Variants in TTN observed in about 807,000 individuals in gnomAD.
TTN encodes connectin.
TTN carries 1,525 observed loss-of-function variants against 3,223.0 expected under a neutral mutation model. The ratio of observed to expected loss-of-function variants is 0.47; its 90% CI spans 0.45 to 0.49. The LOEUF (loss-of-function observed/expected upper bound fraction) is 0.49. Among genes scored for constraint, TTN ranks in the 20% least tolerant of loss-of-function variants. TTN has a pLI of 0.00. For missense variants in TTN, 40,786 were observed against 43,424.0 expected, an observed-to-expected ratio of 0.94 and a Z score of 5.40; for synonymous variants, 14,094 against 15,161.0, an observed-to-expected ratio of 0.93 and a Z score of 5.17.
chr2:178,560,823 C>T lies in TTN; in HGVS notation c.85309G>A (p.Gly28437Ser), dbSNP rs757770952. The change falls in exon 326 of 363, where the codon GGC becomes AGC. Residue 28437 changes from glycine (G) to serine (S), a missense_variant. Coordinates refer to ENST00000589042, the MANE Select transcript of TTN (RefSeq NM_001267550.2). ...CAATTAACGGCCACAGACCGAGTGC[C>T]GGCAACATTCTTCAGTGTTAGTACA... ...QYVLTLKNVA[G>S]TRSVAVNCKV... The T allele has an allele frequency of 7.4e-6, 12 of 1,613,488 alleles. No individual in the cohort carries two copies. The Admixed American group carries it at 8.3e-5, about 11-fold the overall frequency.
chr2:178,722,197 T>C, intron 77 of TTN, 62 bp downstream of exon 77: 1 of 1,530,352 alleles, frequency 6.5e-7, no homozygotes, highest in South Asian at 1.3e-5. Context: ...TGGTCGTTTC[T>C]ACTTTGACAA....
chr2:178,724,055 A>G lies in TTN; in HGVS notation c.21204T>C (p.Ala7068=), dbSNP rs794727885. Residue 7068 remains alanine, a synonymous_variant, in exon 73 of 363, where the codon GCT becomes GCC. Transcript: ENST00000589042. ...AGGCAACTGAAATAGGTGATGATCCAGCTACTTTGCATTCCAAGATGCAAG... is the reference window on the plus strand; with the variant it reads ...AGGCAACTGAAATAGGTGATGATCCGGCTACTTTGCATTCCAAGATGCAAG... ...GASCILECKV[A]GSSPISVAWF... 1.9e-6 allele frequency: 3 copies of G among 1,613,434 alleles called. No individual in the cohort carries two copies. The South Asian group carries it at 3.3e-5, about 18-fold the overall frequency.
Position 178,677,604 on chromosome 2 carries a change from A to G in TTN, c.34291+17T>C, listed in dbSNP as rs1235689310. 4 of 1,590,652 alleles carry G rather than the reference A, an allele frequency of 2.5e-6. No homozygotes were observed. Among genetic ancestry groups the G allele is most frequent in the African/African-American group, 2.7e-5 (2 of 73,530 alleles). On this transcript the variant is annotated intron_variant, in intron 146 of 362. Transcript: ENST00000589042. ...ACACAAAAGAGGCCTTGATGATTCC[A>G]AGAAGAGCTGCTATACCTGGTGCAG... is the stretch of plus-strand genomic sequence containing the variant.
intron 218 of TTN, among the ~76,000 whole-genome samples, chr2:178,643,339 A>G (rs2061487293): frequency 6.6e-6 from 1 of 151,982 alleles, no homozygotes; most frequent in Non-Finnish European, 1.5e-5. Flanking sequence ...ATAGGCAAAT[A>G]TGTATTTCGT....
chr2:178,757,192 A>AAGTAATACTGTACTTACTTTAAGTAC (rs1561094270), intron 45 of TTN, among the ~76,000 whole-genome samples: 49 of 148,524 alleles, frequency 3.3e-4, no homozygotes, highest in African/African-American at 1.2e-3. Flanking sequence ...TAAGTACAGT[A>AAGTAATACTGTACTTACTTTAAGTAC]AGTAATACTG....
At chr2:178,741,945 A>G in intron 47 of TTN, 24 bp from the exon 48 acceptor site, 1 of 1,377,422 alleles carries the variant, frequency 7.3e-7, no homozygotes, top group Non-Finnish European at 9.4e-7. Flanking sequence ...AATGATTATT[A>G]TTTTACTATA....
In TTN at chr2:178,774,936, T is replaced by C; in HGVS notation, c.6775A>G (p.Lys2259Glu). The change falls in exon 29 of 363, where the codon AAA becomes GAA. Residue 2259 changes from lysine to glutamate, a missense_variant. Physicochemically the swap from Lys to Glu is moderately conservative, Grantham distance 56. Transcript: ENST00000589042. Reference protein sequence around the residue: ...VEDENVKTTAKLIVEGAVVEF... With the variant: ...VEDENVKTTAELIVEGAVVEF... ...TGTTGAATACCTTCAACAATAAGTT[T>C]AGCAGTCGTTTTGACATTTTCATCT... 3 of 1,613,794 alleles carry C rather than the reference T, an allele frequency of 1.9e-6. No homozygotes were observed. The highest frequency in any genetic ancestry group is 2.2e-5 in the East Asian group (1 of 44,828).
chr2:178,554,943 G>A lies in TTN; in HGVS notation c.88516C>T (p.Leu29506Phe). The change falls in exon 331 of 363, where the codon CTT becomes TTT. Residue 29506 changes from leucine to phenylalanine, a missense_variant. Physicochemically the swap from Leu to Phe is conservative, Grantham distance 22 (BLOSUM62 0). Coordinates refer to ENST00000589042, the MANE Select transcript of TTN (RefSeq NM_001267550.2). The part of the protein sequence containing the change: ...ASILIKDADR[L>F]NSGCYELKLR... ...TTTAATTCATAGCATCCACTATTAAGGCGATCGGCATCTTTGATGAGTATA... is the reference window on the plus strand; with the variant it reads ...TTTAATTCATAGCATCCACTATTAAAGCGATCGGCATCTTTGATGAGTATA... The A allele has an allele frequency of 1.2e-6, 2 of 1,613,808 alleles. No individual in the cohort carries two copies. Among genetic ancestry groups the A allele is most frequent in the Admixed American group, 1.7e-5 (1 of 60,008 alleles).
chr2:178,740,545 C>T lies in TTN; in HGVS notation c.12688G>A (p.Ala4230Thr). 2 of 1,613,818 alleles carry T rather than the reference C, an allele frequency of 1.2e-6. No homozygotes were observed. Among genetic ancestry groups the T allele is most frequent in the Middle Eastern group, 3.3e-4 (2 of 6,058 alleles). The change falls in exon 48 of 363, where the codon GCT becomes ACT. Residue 4230 changes from alanine (A) to threonine (T), a missense_variant. By Grantham distance (58) the Ala-to-Thr change is moderately conservative (BLOSUM62 0). Transcript: ENST00000589042. ...TCTTTTGGTGAAAGTACTTCCTCAG[C>T]CACAGAGGTTAGATAAGAATGCATT... ...PPMHSYLTSV[A>T]EEVLSPKEKT...
Position 178,634,088 on chromosome 2 carries a change from A to G in TTN, c.42416-5T>C. On this transcript the variant is annotated splice_region_variant and splice_polypyrimidine_tract_variant and intron_variant, in intron 230 of 362. Transcript: ENST00000589042. The surrounding 1 kb of genome is among the most constrained non-coding windows in gnomAD (Gnocchi z 4.6). ...ACATGAATTTCAGTCTTATACCTGA[A>G]ATGCAAGCATAGATAATGCCTCAGA... 6.2e-7 allele frequency: 1 copy of G among 1,612,156 alleles called. No homozygotes were observed. The highest frequency in any genetic ancestry group is 8.5e-7 in the Non-Finnish European group (1 of 1,179,278).
In TTN at chr2:178,534,808, C is replaced by G. The variant is rs753079587; in HGVS notation, c.101807G>C (p.Gly33936Ala). The part of the protein sequence containing the change: ...ALQFLHSHNI[G>A]HFDIRPENII... ...ATTTTCTGGTCTAATGTCAAAGTGT[C>G]CAATATTATGACTGTGTAAAAACTG... The change falls in exon 358 of 363, where the codon GGA (glycine) becomes GCA (alanine). Residue 33936 changes from glycine to alanine, a missense_variant. Physicochemically the swap from Gly to Ala is moderately conservative, Grantham distance 60. Transcript: ENST00000589042. 35 of 1,611,354 alleles carry G rather than the reference C, an allele frequency of 2.2e-5. No individual in the cohort carries two copies. The highest frequency in any genetic ancestry group is 3.0e-5 in the Non-Finnish European group (35 of 1,179,802).
At chr2:178,781,774 T>C (rs2092779871) in intron 20 of TTN, among the ~76,000 whole-genome samples, 1 of 152,230 alleles carries the variant, frequency 6.6e-6, no homozygotes, top group South Asian at 2.1e-4. Context: ...TATATTGAAT[T>C]GAAGAAAAAT....
rs2082252523 is a variant in TTN at position 178,740,220 on chromosome 2, T to G, written c.13013A>C (p.Gln4338Pro). ...AGAATGCTCTTCTTTGAGCAGTACC[T>G]GCTTTTCTTCAAGTGCTAGTGGAAA... ...LRFPLALEEK[Q>P]VLLKEEHSDN... Residue 4338 changes from glutamine to proline, a missense_variant, in exon 48 of 363, where the codon CAG (glutamine) becomes CCG (proline). Coordinates refer to ENST00000589042, the MANE Select transcript of TTN (RefSeq NM_001267550.2). 2 of 1,613,742 alleles carry G rather than the reference T, an allele frequency of 1.2e-6. No homozygotes were observed. Among genetic ancestry groups the G allele is most frequent in the East Asian group, 4.5e-5 (2 of 44,862 alleles).
At chr2:178,644,515 A>G in intron 218 of TTN, 33 bp downstream of exon 218, 1 of 1,521,816 alleles carries the variant, frequency 6.6e-7, no homozygotes, top group Non-Finnish European at 8.9e-7. Flanking sequence ...AAGGGGTACT[A>G]CATAAGTATG....
Position 178,705,366 on chromosome 2 carries a change from A to C in TTN, c.29421-9T>G. Reference sequence around the variant, plus strand: ...TCTTTAAGATTGGAGTCCTAAATAAAATTTAAAAAGTAAGGATAAAACACC... The same window carrying C: ...TCTTTAAGATTGGAGTCCTAAATAACATTTAAAAAGTAAGGATAAAACACC... On this transcript the variant is annotated splice_polypyrimidine_tract_variant and intron_variant, in intron 102 of 362. Coordinates refer to ENST00000589042, the MANE Select transcript of TTN (RefSeq NM_001267550.2). 1 of 1,525,538 alleles carries C rather than the reference A, an allele frequency of 6.6e-7. No individual in the cohort carries two copies. The highest frequency in any genetic ancestry group is 8.8e-7 in the Non-Finnish European group (1 of 1,139,628). The allele number at this position is 1,525,538 out of a possible 1,614,324, so 94.5% of individuals were successfully genotyped here.
At chr2:178,769,978 G>A (rs1350766418) in intron 36 of TTN, 39 bp from the exon 37 acceptor site, 2 of 1,614,084 alleles carry the variant, frequency 1.2e-6, no homozygotes, top group South Asian at 2.2e-5. Flanking sequence ...AATACAATTT[G>A]TTTAAAAAGT....
chr2:178,601,757 T>C lies in TTN; in HGVS notation c.55333A>G (p.Ile18445Val). 2 of 1,607,106 alleles carry C rather than the reference T, an allele frequency of 1.2e-6. No individual in the cohort carries two copies. Among genetic ancestry groups the C allele is most frequent in the Non-Finnish European group, 1.7e-6 (2 of 1,177,678 alleles). ...LETAENSSVI[I>V]IPECKRSHTG... is the part of the protein sequence containing the mutation. ...TGAGATCGTTTACACTCCGGAATAA[T>C]AATTACTGAGGAGTTTTCAGCAGTC... The change falls in exon 286 of 363, where the codon ATT becomes GTT. Residue 18445 changes from isoleucine (I) to valine (V), a missense_variant. Coordinates refer to ENST00000589042, the MANE Select transcript of TTN (RefSeq NM_001267550.2).
In TTN at chr2:178,714,441, C is replaced by T. The variant is rs1486145907; in HGVS notation, c.26333G>A (p.Arg8778Lys). 13 of 1,613,576 alleles carry T rather than the reference C, an allele frequency of 8.1e-6. No homozygotes were observed. The highest frequency in any genetic ancestry group is 2.2e-5 in the South Asian group (2 of 91,082). Reference sequence around the variant, plus strand: ...AGAAATCCATATGTTGTCACTTTCTCTAACGATTTCTCCCTTATCTTTGAA... The same window carrying T: ...AGAAATCCATATGTTGTCACTTTCTTTAACGATTTCTCCCTTATCTTTGAA... ...VWFKDKGEIV[R>K]ESDNIWISYS... is the part of the protein sequence containing the mutation. Residue 8778 changes from arginine to lysine, a missense_variant, in exon 91 of 363, where the codon AGA becomes AAA. By Grantham distance (26) the Arg-to-Lys change is conservative (BLOSUM62 2). Transcript: ENST00000589042.
chr2:178,679,349 C>T lies in TTN; in HGVS notation c.33732G>A (p.Pro11244=), dbSNP rs190604150. 728 of 1,612,390 alleles carry T rather than the reference C, an allele frequency of 4.5e-4. No homozygotes were observed. The highest frequency in any genetic ancestry group is 5.5e-4 in the Non-Finnish European group (648 of 1,178,906). ...PVLIPKKEKP[P]PAKVPEVPKK... ...ATTATAAGGATGTACCTTTTGCTGG[C>T]GGAGGCTTCTCCTTTTTAGGAATAA... Residue 11244 remains proline (P), a synonymous_variant, in exon 142 of 363, where the codon CCG becomes CCA. Transcript: ENST00000589042.
Sources: gnomAD v4.1 joint callset for allele counts (sites outside exome capture counted in the v4.1 genomes callset) on GRCh38, gnomAD v4.1.1 for gene constraint, Gnocchi (gnomAD v3.1) non-coding constraint, MANE v1.5 for transcripts, NCBI Gene and HGNC (gene_info 2026-07-23, HGNC 2026-07-21) for gene names.